Variants in VPS53 observed in about 807,000 individuals in gnomAD.
The protein encoded by VPS53 is vacuolar protein sorting-associated protein 53 homolog.
VPS53 carries 70 observed loss-of-function variants against 107.0 expected under a neutral mutation model. The observed-to-expected ratio is 0.65, with a 90% CI of 0.54 to 0.80. The LOEUF is 0.80. Ranked by LOEUF, VPS53 falls within the 30% of genes least tolerant of loss-of-function variation. The pLI is 0.00. For missense variants in VPS53, 917 were observed against 1,049.4 expected (o/e 0.87, Z 1.74); for synonymous variants, 409 against 393.3 (o/e 1.04, Z -0.47).
At chr17:658,255 T>TAC (rs1567715525) in intron 5 of VPS53, among the ~76,000 whole-genome samples, 1 of 45,650 alleles carries the variant, frequency 2.2e-5, no homozygotes, top group Non-Finnish European at 6.7e-5. Flanking sequence ...CGTGGATAGA[T>TAC]AACATCCCAC....
chr17:520,363 C>T lies in VPS53; in HGVS notation c.2224-433G>A, dbSNP rs901710595. Among the ~76,000 whole-genome samples the T allele has an allele frequency of 1.1e-4, 16 of 152,128 alleles. No homozygotes were observed. The highest frequency in any genetic ancestry group is 1.9e-4 in the East Asian group (1 of 5,196). The stretch of plus-strand genomic sequence containing the variant: ...CTGTTCCAGGCATTTCACCAGTACA[C>T]GGTACTTGCTCCTTCTGCCTTGACG... On this transcript the variant is annotated intron_variant, in intron 20 of 21. Transcript: ENST00000437048. The surrounding 1 kb of genome is among the most constrained non-coding windows in gnomAD (Gnocchi z 4.4).
chr17:665,109 G>A (rs1444030120), intron 4 of VPS53, among the ~76,000 whole-genome samples: 2 of 152,168 alleles, frequency 1.3e-5, no homozygotes, highest in African/African-American at 4.8e-5. Context: ...TTTACGAGGT[G>A]ACCAGGTCAT....
chr17:540,392 C>T (rs2151818933), intron 17 of VPS53: 1 of 152,106 alleles, frequency 6.6e-6, no homozygotes, highest in South Asian at 2.1e-4. Flanking sequence ...TTTGTAGAGA[C>T]AGGGGTCTCA....
At chr17:653,898 G>A (rs1490985516) in intron 6 of VPS53, among the ~76,000 whole-genome samples, 2 of 152,174 alleles carry the variant, frequency 1.3e-5, no homozygotes, top group Admixed American at 6.5e-5. Flanking sequence ...GGCTCAGCCT[G>A]TCATCCCCGC....
intron 7 of VPS53, among the ~76,000 whole-genome samples, chr17:633,854 C>T (rs989480929): frequency 1.3e-5 from 2 of 152,162 alleles, no homozygotes; most frequent in African/African-American, 4.8e-5. Flanking sequence ...TCTTGTGATG[C>T]GCACACGAGG....
intron 19 of VPS53, among the ~76,000 whole-genome samples, chr17:527,494 T>C (rs1909211713): frequency 6.6e-6 from 1 of 152,228 alleles, no homozygotes; most frequent in African/African-American, 2.4e-5. Flanking sequence ...GGTAGGCATA[T>C]GTTTGGCTAA....
chr17:641,164 T>C (rs1235980625), intron 7 of VPS53, among the ~76,000 whole-genome samples: 3 of 152,104 alleles, frequency 2.0e-5, no homozygotes, highest in Non-Finnish European at 2.9e-5. Flanking sequence ...CCTCTACCAA[T>C]AGCAGTTTGT....
rs532439520 is a variant in VPS53 at position 588,393 on chromosome 17, T to G, written c.1219-2029A>C. Among the ~76,000 whole-genome samples, 92 of 152,298 alleles carry G rather than the reference T, an allele frequency of 6.0e-4. No individual in the cohort carries two copies. The South Asian group carries it at 7.5e-3, about 12-fold the overall frequency. On this transcript the variant is annotated intron_variant, in intron 12 of 21. Coordinates refer to ENST00000437048, the MANE Select transcript of VPS53 (RefSeq NM_001128159.3). ...CTCTTGAACTGCTTATATATTTTAA[T>G]AAATACTGGAAGAGATAAGCCCTAA...
chr17:612,113 TACTC>T (rs897634585), intron 11 of VPS53, among the ~76,000 whole-genome samples: 5 of 151,552 alleles, frequency 3.3e-5, no homozygotes, highest in Admixed American at 6.6e-5. Flanking sequence ...CCTGTACAGA[TACTC>T]ACAGCAGTAT....
chr17:517,437 A>G lies in VPS53; in HGVS notation c.*1691T>C, dbSNP rs377525033. The G allele has an allele frequency of 1.8e-5, 7 of 398,904 alleles. 1 individual carries two copies. Among genetic ancestry groups the G allele is most frequent in the South Asian group, 2.5e-4 (2 of 7,866 alleles). 24.7% of individuals were successfully genotyped at this position (398,904 alleles called of 1,614,324 possible). Reference sequence around the variant, plus strand: ...GTTGGGAAACAAGGTGGGGATGAGGAAATCAGGTTTCCAGGCAGATTTCCA... The same window carrying G: ...GTTGGGAAACAAGGTGGGGATGAGGGAATCAGGTTTCCAGGCAGATTTCCA... On this transcript the variant is annotated 3_prime_UTR_variant, in exon 22 of 22. Transcript: ENST00000437048.
At chr17:575,133 G>A (rs886324220) in intron 13 of VPS53, among the ~76,000 whole-genome samples, 10 of 151,926 alleles carry the variant, frequency 6.6e-5, no homozygotes, top group African/African-American at 2.4e-4. Context: ...GGGCTGATGG[G>A]GAGACTTCCA....
At chr17:646,210 G>A (rs392097) in intron 7 of VPS53, among the ~76,000 whole-genome samples, 38,998 of 102,692 alleles carry the variant, frequency 0.38, 10,473 homozygotes, top group Non-Finnish European at 0.53. Flanking sequence ...ACACATCTCC[G>A]TGACCGTGTG....
At chr17:571,924 C>T (rs996181334) in intron 13 of VPS53, among the ~76,000 whole-genome samples, 6 of 152,214 alleles carry the variant, frequency 3.9e-5, no homozygotes, top group Admixed American at 6.5e-5. Flanking sequence ...CTGCCTTGGC[C>T]TCCCAAAGTG....
At chr17:530,175 CTA>C in intron 19 of VPS53, among the ~76,000 whole-genome samples, 1 of 133,994 alleles carries the variant, frequency 7.5e-6, no homozygotes. Context: ...GACGGAGTCT[CTA>C]TCACTCAGGC....
intron 12 of VPS53, among the ~76,000 whole-genome samples, chr17:587,544 G>A (rs1967382761): frequency 6.6e-6 from 1 of 152,112 alleles, no homozygotes; most frequent in Non-Finnish European, 1.5e-5. Context: ...CACTAGATGA[G>A]CGCTGGTTCC....
At position 598,330 on chromosome 17, in the gene VPS53, G is replaced by A. The variant is rs1039278534; in HGVS notation, c.1218+3465C>T. Among the ~76,000 whole-genome samples, 91 of 142,494 alleles carry A rather than the reference G, an allele frequency of 6.4e-4. 2 individuals carry two copies. The highest frequency in any genetic ancestry group is 5.3e-4 in the Non-Finnish European group (36 of 67,548). The allele number at this position is 142,494 out of a possible 152,430, so 93.5% of individuals were successfully genotyped here. A position where few individuals can be genotyped will look rare whatever the true frequency, so the allele number is the denominator to read the frequency against. Reference sequence around the variant, plus strand: ...TCGCTACAACCTCCACCTCCCAGCCGCCTGCCTTGGCCTCCCAAAGTGCCG... The same window carrying A: ...TCGCTACAACCTCCACCTCCCAGCCACCTGCCTTGGCCTCCCAAAGTGCCG... On this transcript the variant is annotated intron_variant, in intron 12 of 21. Coordinates refer to ENST00000437048, the MANE Select transcript of VPS53 (RefSeq NM_001128159.3).
chr17:678,893 C>G (rs1339171692), intron 4 of VPS53, among the ~76,000 whole-genome samples: 2 of 150,768 alleles, frequency 1.3e-5, no homozygotes, highest in African/African-American at 4.9e-5. Flanking sequence ...CCCGCCTCGG[C>G]CTCCCAAAGT....
intron 4 of VPS53, among the ~76,000 whole-genome samples, chr17:695,024 T>C (rs1972904946): frequency 6.6e-6 from 1 of 152,206 alleles, no homozygotes; most frequent in South Asian, 2.1e-4. Flanking sequence ...AAAATGTTAT[T>C]GCATGTGGCC....
At chr17:707,711 G>C (rs1468464620) in intron 2 of VPS53, among the ~76,000 whole-genome samples, 1 of 151,892 alleles carries the variant, frequency 6.6e-6, no homozygotes, top group East Asian at 1.9e-4. Flanking sequence ...ACTTAGCTGT[G>C]TGTGGTGGCA....
Sources: allele counts gnomAD v4.1 joint callset (sites outside exome capture counted in the v4.1 genomes callset), GRCh38; gene constraint gnomAD v4.1.1; non-coding constraint Gnocchi (gnomAD v3.1); transcripts MANE v1.5; gene names NCBI Gene and HGNC (gene_info 2026-07-23, HGNC 2026-07-21).